POU6F2: variants seen among roughly 807,000 people sequenced by gnomAD.
POU6F2 encodes the protein POU domain, class 6, transcription factor 2.
POU6F2 carries 31 observed loss-of-function variants against 71.3 expected under a neutral mutation model. That is an observed-to-expected ratio of 0.43 (90% CI 0.33 to 0.59). The LOEUF (loss-of-function observed/expected upper bound fraction) is 0.59, where lower values mean the gene tolerates loss of function less well. Ranked by LOEUF, POU6F2 falls within the 20% of genes least tolerant of loss-of-function variation. POU6F2 has a pLI of 0.04. For synonymous variants in POU6F2, 347 were observed against 355.7 expected, an observed-to-expected ratio of 0.98 and a Z score of 0.27; for missense variants, 783 against 856.8, an observed-to-expected ratio of 0.91 and a Z score of 1.07.
intron 4 of POU6F2, among the ~76,000 whole-genome samples, chr7:39,337,399 G>A (rs1220022047): frequency 6.6e-6 from 1 of 152,186 alleles, no homozygotes; most frequent in Non-Finnish European, 1.5e-5. Flanking sequence ...ACAAGACAGA[G>A]AGGAAACCAT....
chr7:39,082,911 C>T, intron 1 of POU6F2, among the ~76,000 whole-genome samples: 1 of 151,366 alleles, frequency 6.6e-6, no homozygotes, highest in East Asian at 1.9e-4. Context: ...TAAATGAGTA[C>T]TTGAATGACA....
At chr7:39,426,534 C>T (rs992112982) in intron 6 of POU6F2, among the ~76,000 whole-genome samples, 3 of 152,132 alleles carry the variant, frequency 2.0e-5, no homozygotes, top group Non-Finnish European at 4.4e-5. Context: ...CAATGGCAGG[C>T]AGTGATCTTT....
chr7:38,991,468 T>C (rs1252018007), intron 1 of POU6F2, among the ~76,000 whole-genome samples: 1 of 152,088 alleles, frequency 6.6e-6, no homozygotes, highest in Non-Finnish European at 1.5e-5. Flanking sequence ...AAGAGACCCA[T>C]TTACCCAGGG....
At chr7:39,462,082 A>G (rs1176778450) in intron 9 of POU6F2, among the ~76,000 whole-genome samples, 1 of 152,188 alleles carries the variant, frequency 6.6e-6, no homozygotes, top group East Asian at 1.9e-4. Context: ...TTTTAGTCCT[A>G]AAACGTGATT....
intron 4 of POU6F2, among the ~76,000 whole-genome samples, chr7:39,219,067 CGTT>C (rs1195207034): frequency 2.6e-5 from 4 of 152,122 alleles, no homozygotes; most frequent in Non-Finnish European, 5.9e-5. Flanking sequence ...CTTGTCTAAT[CGTT>C]GTGCACCAGG....
At chr7:39,070,259 T>G (rs1440993678) in intron 1 of POU6F2, among the ~76,000 whole-genome samples, 1 of 152,196 alleles carries the variant, frequency 6.6e-6, no homozygotes, top group Non-Finnish European at 1.5e-5. Context: ...TATGGGTTAT[T>G]GAATTTTTTC....
chr7:39,252,992 T>C (rs561959344), intron 4 of POU6F2, among the ~76,000 whole-genome samples: 1 of 152,354 alleles, frequency 6.6e-6, no homozygotes, highest in East Asian at 1.9e-4. Context: ...GGGCCATGAC[T>C]GTGTGTGGTC....
intron 8 of POU6F2, 109 bp downstream of exon 8, chr7:39,451,810 C>T: frequency 7.6e-7 from 1 of 1,323,674 alleles, no homozygotes; most frequent in Non-Finnish European, 1.0e-6. Context: ...CTCTTTCTCT[C>T]AACCCTGCAC....
chr7:39,143,643 G>GACT (rs1002285949), intron 2 of POU6F2, among the ~76,000 whole-genome samples: 1 of 152,172 alleles, frequency 6.6e-6, no homozygotes, highest in African/African-American at 2.4e-5. Context: ...AAGGAGTGAA[G>GACT]ACTCCCAGAG....
chr7:39,307,957 A>C (rs910747058), intron 4 of POU6F2, among the ~76,000 whole-genome samples: 1 of 151,736 alleles, frequency 6.6e-6, no homozygotes, highest in Non-Finnish European at 1.5e-5. Context: ...TCCGTTTCAA[A>C]AAAAAAAAAA....
In POU6F2 at chr7:39,324,335, T is replaced by G. The variant is rs571730570; in HGVS notation, c.599-15307T>G. The stretch of plus-strand genomic sequence containing the variant: ...ACTTCCTGGTCTCCTTGCATTCAAG[T>G]GGTGCCACGTGACCAGTGCTGGCCA... On this transcript the variant is annotated intron_variant, in intron 4 of 9. Coordinates refer to ENST00000518318, the MANE Select transcript of POU6F2 (RefSeq NM_001370959.1). Among the ~76,000 whole-genome samples, 131 of 152,274 alleles carry G rather than the reference T, an allele frequency of 8.6e-4. 1 individual carries two copies. Among genetic ancestry groups the G allele is most frequent in the Non-Finnish European group, 1.6e-4 (11 of 68,026 alleles).
At chr7:39,109,493 T>G (rs1172297175) in intron 2 of POU6F2, among the ~76,000 whole-genome samples, 4 of 152,222 alleles carry the variant, frequency 2.6e-5, no homozygotes, top group Non-Finnish European at 5.9e-5. Context: ...TTCTGCCTGA[T>G]GAGTGGTAGC....
chr7:38,989,910 A>G (rs1166290194), intron 1 of POU6F2, among the ~76,000 whole-genome samples: 1 of 151,772 alleles, frequency 6.6e-6, no homozygotes, highest in East Asian at 1.9e-4. Context: ...TAAAATGCTG[A>G]TGGAGTCTGA....
At chr7:39,219,047 G>A (rs981331963) in intron 4 of POU6F2, among the ~76,000 whole-genome samples, 2 of 152,164 alleles carry the variant, frequency 1.3e-5, no homozygotes, top group Non-Finnish European at 2.9e-5. Context: ...GGCTAAGGAA[G>A]CGTTTTCAAC....
At chr7:39,454,694 ATATATATATATATATATATATATATATAT>A (rs1788750943) in intron 8 of POU6F2, among the ~76,000 whole-genome samples, 8 of 53,544 alleles carry the variant, frequency 1.5e-4, no homozygotes, top group African/African-American at 5.6e-4. Context: ...ATATATATAT[ATATATATATATATATATATATATATATAT>A]ATATAAAATA....
At chr7:39,342,159 A>C (rs1280248189) in intron 5 of POU6F2, among the ~76,000 whole-genome samples, 1 of 149,422 alleles carries the variant, frequency 6.7e-6, no homozygotes, top group South Asian at 2.1e-4. Flanking sequence ...ACTTGCTACA[A>C]ATTTTTTTTA....
At chr7:39,271,844 A>G (rs1784346244) in intron 4 of POU6F2, among the ~76,000 whole-genome samples, 1 of 152,242 alleles carries the variant, frequency 6.6e-6, no homozygotes, top group Non-Finnish European at 1.5e-5. Flanking sequence ...ACTATAAAAA[A>G]AAAATCCTGG....
At chr7:39,004,501 G>T (rs940966775) in intron 1 of POU6F2, among the ~76,000 whole-genome samples, 43 of 152,194 alleles carry the variant, frequency 2.8e-4, no homozygotes, top group African/African-American at 1.0e-3. Context: ...CAGTGAATGA[G>T]CTGACTCAAT....
chr7:39,456,844 A>G (rs1788818606), intron 8 of POU6F2, among the ~76,000 whole-genome samples: 1 of 152,236 alleles, frequency 6.6e-6, no homozygotes, highest in Non-Finnish European at 1.5e-5. Flanking sequence ...TAGAACCAGG[A>G]GAAAATACAA....
Sources: gnomAD v4.1 joint callset for allele counts (sites outside exome capture counted in the v4.1 genomes callset) on GRCh38, gnomAD v4.1.1 for gene constraint, MANE v1.5 for transcripts, NCBI Gene and HGNC (gene_info 2026-07-23, HGNC 2026-07-21) for gene names.